WDR49: variants seen among roughly 807,000 people sequenced by gnomAD.
The protein encoded by WDR49 is cilia- and flagella-associated protein 337.
WDR49 carries 107 observed loss-of-function variants against 119.5 expected under a neutral mutation model. That is an observed-to-expected ratio of 0.90 (90% CI 0.77 to 1.05). WDR49 has a LOEUF of 1.05. Among genes scored for constraint, WDR49 ranks in the 50% least tolerant of loss-of-function variants. The pLI, the probability that WDR49 is intolerant of heterozygous loss-of-function variation, is 0.00. For missense variants in WDR49, 1,240 were observed against 1,220.5 expected, an observed-to-expected ratio of 1.02 and a Z score of -0.24; for synonymous variants, 425 against 418.8, an observed-to-expected ratio of 1.01 and a Z score of -0.18.
chr3:167,480,247 TAAAAAAA>T (rs1162973369), intron 18 of WDR49, among the ~76,000 whole-genome samples: 998 of 55,114 alleles, frequency 0.018, 10 homozygotes, highest in Middle Eastern at 0.069. Context: ...AGACTCTGTC[TAAAAAAA>T]AAAAAAAAAA....
rs76955328 is a variant in WDR49 at position 167,560,785 on chromosome 3, A to G, written c.1510-557T>C. On this transcript the variant is annotated intron_variant, in intron 8 of 18. Transcript: ENST00000682715. ...TAAACACAATTATTGATAGATTACT[A>G]AAAAAAAAAAAAAAGAGCACAGGTT... Among the ~76,000 whole-genome samples, 302 of 54,344 alleles carry G rather than the reference A, an allele frequency of 5.6e-3. 1 individual carries two copies. The highest frequency in any genetic ancestry group is 8.7e-3 in the Non-Finnish European group (232 of 26,628). The allele number at this position is 54,344 out of a possible 152,430, so 35.7% of individuals were successfully genotyped here.
intron 10 of WDR49, among the ~76,000 whole-genome samples, chr3:167,542,169 A>G (rs1163650657): frequency 2.0e-5 from 3 of 152,228 alleles, no homozygotes; most frequent in Admixed American, 2.0e-4. Flanking sequence ...GAAATGAGAT[A>G]GATGGCAACA....
chr3:167,575,001 C>T (rs1714155685), intron 8 of WDR49: 1 of 945,226 alleles, frequency 1.1e-6, no homozygotes, highest in Non-Finnish European at 1.3e-6. Flanking sequence ...CCATTACTAA[C>T]AAAGGGCTTT....
At chr3:167,652,367 A>G (rs1718428150) in intron 2 of WDR49, among the ~76,000 whole-genome samples, 1 of 152,196 alleles carries the variant, frequency 6.6e-6, no homozygotes, top group South Asian at 2.1e-4. Context: ...ATTAATTTCC[A>G]GGTGGTATTC....
chr3:167,545,974 G>A (rs1053561520), intron 10 of WDR49, among the ~76,000 whole-genome samples: 3 of 151,780 alleles, frequency 2.0e-5, no homozygotes, highest in East Asian at 1.9e-4. Flanking sequence ...TTGAAGTTCC[G>A]AAATTGCAGT....
Position 167,478,788 on chromosome 3 carries a change from T to A in WDR49, c.*90A>T. On this transcript the variant is annotated 3_prime_UTR_variant, in exon 19 of 19. Coordinates refer to ENST00000682715, the MANE Select transcript of WDR49 (RefSeq NM_001366157.1). ...AAGAGAAAACTTCCTGAAGTTTAAA[T>A]ATAAAATAAAATAAAAGGCAGAATT... The A allele has an allele frequency of 3.4e-6, 3 of 892,752 alleles. No homozygotes were observed. The South Asian group carries it at 5.6e-5, about 17-fold the overall frequency. The allele number at this position is 892,752 out of a possible 1,614,324, so 55.3% of individuals were successfully genotyped here.
chr3:167,641,876 A>G (rs1717898228), intron 2 of WDR49, among the ~76,000 whole-genome samples: 1 of 151,968 alleles, frequency 6.6e-6, no homozygotes, highest in African/African-American at 2.4e-5. Context: ...TTAATCAAAT[A>G]CAATTAAAAT....
intron 7 of WDR49, among the ~76,000 whole-genome samples, chr3:167,588,902 T>C (rs2108294518): frequency 6.6e-6 from 1 of 151,720 alleles, no homozygotes; most frequent in East Asian, 1.9e-4. Flanking sequence ...CTTCACTTTA[T>C]TGATTGTATA....
rs528516335 is a variant in WDR49, at chr3:167,479,606, T to C, written c.3032-610A>G. On this transcript the variant is annotated intron_variant, in intron 18 of 18. Coordinates refer to ENST00000682715, the MANE Select transcript of WDR49 (RefSeq NM_001366157.1). Reference sequence around the variant, plus strand: ...TGTCTATTATACACAATGTTCTGTGTTGAGGCATAAATGAGGCACAAATAT... The same window carrying C: ...TGTCTATTATACACAATGTTCTGTGCTGAGGCATAAATGAGGCACAAATAT... 9.8e-5 allele frequency among the ~76,000 whole-genome samples: 15 copies of C among 152,332 alleles called. No individual in the cohort carries two copies. The East Asian group carries it at 2.9e-3, about 29-fold the overall frequency.
At chr3:167,544,270 C>T (rs1043811256) in intron 10 of WDR49, among the ~76,000 whole-genome samples, 9 of 151,986 alleles carry the variant, frequency 5.9e-5, no homozygotes, top group Non-Finnish European at 1.0e-4. Flanking sequence ...AAGCAATTCC[C>T]ATGAAAATAC....
At chr3:167,524,410 T>G (rs1045197461) in intron 15 of WDR49, among the ~76,000 whole-genome samples, 1 of 152,042 alleles carries the variant, frequency 6.6e-6, no homozygotes. Context: ...TTTAGCTTAA[T>G]TAGATTGCAT....
At chr3:167,530,452 A>T (rs1230425951) in intron 13 of WDR49, among the ~76,000 whole-genome samples, 1 of 152,154 alleles carries the variant, frequency 6.6e-6, no homozygotes, top group Non-Finnish European at 1.5e-5. Context: ...TGCCACTGAC[A>T]ACAAGGAAAA....
chr3:167,571,530 A>G (rs1713940155), intron 8 of WDR49, among the ~76,000 whole-genome samples: 1 of 152,212 alleles, frequency 6.6e-6, no homozygotes, highest in Non-Finnish European at 1.5e-5. Context: ...TGAAGTCTAC[A>G]TCAAGGGAAA....
chr3:167,626,819 C>T (rs1425536258), intron 3 of WDR49, 33 bp downstream of exon 3: 1 of 1,231,262 alleles, frequency 8.1e-7, no homozygotes, highest in Non-Finnish European at 1.0e-6. Context: ...CCCTCTTTTA[C>T]AAGCAGTACA....
intron 18 of WDR49, among the ~76,000 whole-genome samples, chr3:167,491,777 T>A (rs899385981): frequency 6.6e-6 from 1 of 152,084 alleles, no homozygotes; most frequent in South Asian, 2.1e-4. Flanking sequence ...ATAAGGCATA[T>A]CAAAGAGGGG....
At chr3:167,578,758 G>A (rs536529518) in intron 7 of WDR49, among the ~76,000 whole-genome samples, 2 of 152,164 alleles carry the variant, frequency 1.3e-5, no homozygotes, top group East Asian at 3.9e-4. Context: ...CTTTAAAGCA[G>A]CCTATTTTTG....
rs1281714542 is a variant in WDR49 at position 167,621,508 on chromosome 3, C to G, written c.742G>C (p.Ala248Pro). 2.6e-6 allele frequency: 4 copies of G among 1,534,892 alleles called. No individual in the cohort carries two copies. The Admixed American group carries it at 7.9e-5, about 30-fold the overall frequency. The part of the protein sequence containing the change: ...CMDYWYDPLD[A>P]NESILSFGDI... ...CCAAAAGAAAGAATTGATTCATTGG[C>G]ATCAAGAGGATCATACCAATAATCC... Residue 248 changes from alanine (A) to proline (P), a missense_variant, in exon 4 of 19, where the codon GCC (alanine) becomes CCC (proline). Transcript: ENST00000682715.
upstream of WDR49, among the ~76,000 whole-genome samples, chr3:167,655,236 G>A (rs1048186009): frequency 6.6e-6 from 1 of 152,160 alleles, no homozygotes; most frequent in African/African-American, 2.4e-5. Context: ...CAGGAGAACA[G>A]TATGGGGAAA....
intron 4 of WDR49, 142 bp from the exon 5 acceptor site, chr3:167,620,745 T>C (rs1716828150): frequency 1.8e-5 from 14 of 799,742 alleles, no homozygotes; most frequent in Non-Finnish European, 2.1e-5. Context: ...CAGGGTGTTA[T>C]ACTAAAAAAC....
Sources: allele counts gnomAD v4.1 joint callset (sites outside exome capture counted in the v4.1 genomes callset), GRCh38; gene constraint gnomAD v4.1.1; transcripts MANE v1.5; gene names NCBI Gene and HGNC (gene_info 2026-07-23, HGNC 2026-07-21).